RAB31: variants seen among roughly 807,000 people sequenced by gnomAD.
RAB31 encodes the protein ras-related protein Rab-31.
In RAB31, 21 loss-of-function variants were observed where a neutral mutation model predicts 25.6. The observed-to-expected ratio is 0.82, with a 90% CI of 0.58 to 1.18. The LOEUF is 1.18. Among genes scored for constraint, RAB31 ranks in the 50% most tolerant of loss-of-function variants. The pLI is 0.00. For synonymous variants in RAB31, 87 were observed against 84.0 expected, an observed-to-expected ratio of 1.04 and a Z score of -0.20; for missense variants, 196 against 250.1, an observed-to-expected ratio of 0.78 and a Z score of 1.46.
chr18:9,819,724 T>C (rs912416473), intron 5 of RAB31, among the ~76,000 whole-genome samples: 1 of 152,140 alleles, frequency 6.6e-6, no homozygotes, highest in Non-Finnish European at 1.5e-5. Context: ...TTCATTTTAA[T>C]AGGTCTTCTT....
At chr18:9,745,226 C>T (rs946619751) in intron 1 of RAB31, among the ~76,000 whole-genome samples, 1 of 152,142 alleles carries the variant, frequency 6.6e-6, no homozygotes, top group African/African-American at 2.4e-5. Flanking sequence ...AATTCCTAGA[C>T]ACACAAAACT....
intron 1 of RAB31, among the ~76,000 whole-genome samples, chr18:9,716,659 C>T (rs1203199125): frequency 3.9e-5 from 6 of 152,152 alleles, no homozygotes; most frequent in Non-Finnish European, 8.8e-5. Flanking sequence ...TGGTAAGCTG[C>T]TGAGCTGTGG....
intron 2 of RAB31, among the ~76,000 whole-genome samples, chr18:9,788,745 C>T (rs544409956): frequency 3.4e-4 from 52 of 152,320 alleles, no homozygotes; most frequent in Middle Eastern, 3.4e-3. Context: ...GAGGGTGGAT[C>T]ACCTGAGGTC....
Position 9,815,133 on chromosome 18 carries a change from G to A in RAB31, c.291G>A (p.Leu97=), listed in dbSNP as rs1187359727. 6.4e-7 allele frequency: 1 copy of A among 1,551,904 alleles called. No homozygotes were observed. The highest frequency in any genetic ancestry group is 8.7e-7 in the Non-Finnish European group (1 of 1,145,860). Reference sequence around the variant, plus strand: ...TGGTTTAGGATTCATTTTATACCTTGAAGAAATGGGTCAAGGAGCTGAAAG... The same window carrying A: ...TGGTTTAGGATTCATTTTATACCTTAAAGAAATGGGTCAAGGAGCTGAAAG... The part of the protein sequence containing the change: ...DITKQDSFYT[L]KKWVKELKEH... Residue 97 remains leucine (L), a synonymous_variant, in exon 5 of 7, where the codon TTG becomes TTA. Transcript: ENST00000578921.
chr18:9,838,860 T>C (rs2068718070), intron 5 of RAB31, among the ~76,000 whole-genome samples: 1 of 152,138 alleles, frequency 6.6e-6, no homozygotes, highest in South Asian at 2.1e-4. Context: ...GAAGGCTGGG[T>C]GAGCCTCTTG....
At chr18:9,825,471 A>T (rs1354941799) in intron 5 of RAB31, among the ~76,000 whole-genome samples, 1 of 152,222 alleles carries the variant, frequency 6.6e-6, no homozygotes, top group Admixed American at 6.5e-5. Flanking sequence ...CAGTGGTTTT[A>T]AAAGTTTCAT....
At chr18:9,849,184 T>C (rs2068776231) in intron 6 of RAB31, among the ~76,000 whole-genome samples, 1 of 152,130 alleles carries the variant, frequency 6.6e-6, no homozygotes, top group Admixed American at 6.5e-5. Context: ...AAACTTGAGG[T>C]TACTTTTGGT....
intron 1 of RAB31, among the ~76,000 whole-genome samples, chr18:9,748,481 A>G (rs1378376170): frequency 6.7e-6 from 1 of 150,100 alleles, no homozygotes; most frequent in East Asian, 2.0e-4. Context: ...ACTCCAGCCT[A>G]GGTGGCAGAG....
intron 5 of RAB31, among the ~76,000 whole-genome samples, chr18:9,839,354 G>A (rs547515372): frequency 3.8e-4 from 58 of 152,196 alleles, no homozygotes; most frequent in Non-Finnish European, 7.5e-4. Flanking sequence ...CTGCTAAGGC[G>A]TTGGTTTGAT....
At chr18:9,852,134 A>G (rs191851011) in intron 6 of RAB31, among the ~76,000 whole-genome samples, 13 of 152,274 alleles carry the variant, frequency 8.5e-5, no homozygotes, top group Admixed American at 5.2e-4. Flanking sequence ...ACTGAATAAT[A>G]TAGTGAACCA....
At chr18:9,790,506 G>A (rs2068454624) in intron 2 of RAB31, among the ~76,000 whole-genome samples, 1 of 152,028 alleles carries the variant, frequency 6.6e-6, no homozygotes, top group South Asian at 2.1e-4. Context: ...AAAGGGCTAG[G>A]ATTACAGAAA....
chr18:9,728,595 T>C (rs1182261215), intron 1 of RAB31, among the ~76,000 whole-genome samples: 1 of 152,184 alleles, frequency 6.6e-6, no homozygotes, highest in Non-Finnish European at 1.5e-5. Flanking sequence ...AGGAGTGCAG[T>C]GGTACAATCT....
intron 2 of RAB31, among the ~76,000 whole-genome samples, chr18:9,780,846 G>A (rs1036631629): frequency 2.0e-5 from 3 of 152,124 alleles, no homozygotes; most frequent in Non-Finnish European, 2.9e-5. Flanking sequence ...TAGGAGAATC[G>A]CTCGAACCCG....
chr18:9,815,003 G>T, intron 4 of RAB31, 113 bp from the exon 5 acceptor site: 2 of 715,518 alleles, frequency 2.8e-6, no homozygotes, highest in Non-Finnish European at 2.3e-6. Flanking sequence ...TAATCTGCAT[G>T]AGTCTCCTAA....
At chr18:9,788,681 T>G (rs1314097641) in intron 2 of RAB31, among the ~76,000 whole-genome samples, 1 of 152,218 alleles carries the variant, frequency 6.6e-6, no homozygotes, top group Non-Finnish European at 1.5e-5. Context: ...AACAAATGAA[T>G]GGAGGCTGGC....
chr18:9,796,186 C>A (rs999342194), intron 3 of RAB31, among the ~76,000 whole-genome samples: 1 of 152,102 alleles, frequency 6.6e-6, no homozygotes, highest in Non-Finnish European at 1.5e-5. Flanking sequence ...TATGAGGACA[C>A]AGTGGCATAA....
At chr18:9,761,611 G>A (rs1012602299) in intron 1 of RAB31, among the ~76,000 whole-genome samples, 1 of 152,124 alleles carries the variant, frequency 6.6e-6, no homozygotes, top group Non-Finnish European at 1.5e-5. Flanking sequence ...GATGGAACCG[G>A]GGCAGGGTCT....
chr18:9,850,179 C>T (rs546362685), intron 6 of RAB31, among the ~76,000 whole-genome samples: 190 of 152,222 alleles, frequency 1.2e-3, no homozygotes, highest in Middle Eastern at 3.4e-3. Context: ...TTCTGTTTGC[C>T]GGAATGAGGA....
chr18:9,713,790 G>C lies in RAB31; in HGVS notation c.39+5346G>C, dbSNP rs150095974. Among the ~76,000 whole-genome samples the C allele has an allele frequency of 7.6e-4, 115 of 152,310 alleles. 2 individuals carry two copies. Among genetic ancestry groups the C allele is most frequent in the African/African-American group, 2.7e-3 (111 of 41,558 alleles). On this transcript the variant is annotated intron_variant, in intron 1 of 6. Transcript: ENST00000578921. ...GGAGGTTGGGAAGTCTAAGACCAAGGCGCTGGCAGATCTAGTGCCTGGTGA... is the reference window on the plus strand; with the variant it reads ...GGAGGTTGGGAAGTCTAAGACCAAGCCGCTGGCAGATCTAGTGCCTGGTGA...
Sources: allele counts gnomAD v4.1 joint callset (sites outside exome capture counted in the v4.1 genomes callset), GRCh38; gene constraint gnomAD v4.1.1; transcripts MANE v1.5; gene names NCBI Gene and HGNC (gene_info 2026-07-23, HGNC 2026-07-21).